Variants in HDAC9 observed in about 807,000 individuals in gnomAD.
The protein encoded by HDAC9 is MEF-2 interacting transcription repressor (MITR) protein.
HDAC9 carries 41 observed loss-of-function variants against 139.4 expected under a neutral mutation model. The ratio of observed to expected loss-of-function variants is 0.29; its 90% CI spans 0.23 to 0.38. The LOEUF is 0.38. Ranked by LOEUF, HDAC9 falls within the 10% of genes least tolerant of loss-of-function variation. The pLI, the probability that HDAC9 is intolerant of heterozygous loss-of-function variation, is 1.00. For synonymous variants in HDAC9, 517 were observed against 476.2 expected, an observed-to-expected ratio of 1.09 and a Z score of -1.12; for missense variants, 1,147 against 1,297.0, an observed-to-expected ratio of 0.88 and a Z score of 1.78.
At chr7:18,944,664 A>G (rs1025962179) in intron 23 of HDAC9, among the ~76,000 whole-genome samples, 2 of 152,136 alleles carry the variant, frequency 1.3e-5, no homozygotes, top group African/African-American at 4.8e-5. Context: ...AGATAGAGTA[A>G]TGTCAGCTCT....
chr7:18,499,297 T>G (rs1210725995), intron 2 of HDAC9, among the ~76,000 whole-genome samples: 1 of 152,150 alleles, frequency 6.6e-6, no homozygotes, highest in Non-Finnish European at 1.5e-5. Context: ...ATATTGATGG[T>G]TTTTGTACAG....
chr7:18,648,630 C>G lies in HDAC9; in HGVS notation c.1414C>G (p.Gln472Glu). 6.2e-7 allele frequency: 1 copy of G among 1,613,380 alleles called. No homozygotes were observed. The highest frequency in any genetic ancestry group is 8.5e-7 in the Non-Finnish European group (1 of 1,179,662). ...LAQLVIQQQH[Q>E]QFLEKQKQYQ... ...TCAGCTGGTCATTCAACAGCAACACCAGCAATTCTTGGAGAAGCAGAAGCA... is the reference window on the plus strand; with the variant it reads ...TCAGCTGGTCATTCAACAGCAACACGAGCAATTCTTGGAGAAGCAGAAGCA... The change falls in exon 11 of 26, where the codon CAG becomes GAG. Residue 472 changes from glutamine to glutamate, a missense_variant. Around this residue, in one of 7 missense-constraint regions of HDAC9, gnomAD observed 256 missense variants for 219.2 expected, o/e 1.17. Transcript: ENST00000686413.
rs79373121 is a variant in HDAC9 at position 18,524,112 on chromosome 7, A to G, written c.22+27788A>G. On this transcript the variant is annotated intron_variant, in intron 2 of 25. Transcript: ENST00000686413. ...TGGGTTAGCTATTCTCAGGATAGGTACTCAAGTATGGAAGGTATATAGAGA... is the reference window on the plus strand; with the variant it reads ...TGGGTTAGCTATTCTCAGGATAGGTGCTCAAGTATGGAAGGTATATAGAGA... 6.4e-3 allele frequency among the ~76,000 whole-genome samples: 971 copies of G among 152,252 alleles called. 11 individuals are homozygous for G. Among genetic ancestry groups the G allele is most frequent in the African/African-American group, 0.022 (911 of 41,546 alleles).
chr7:18,970,674 T>G (rs1220345874), intron 24 of HDAC9, among the ~76,000 whole-genome samples: 1 of 152,170 alleles, frequency 6.6e-6, no homozygotes, highest in East Asian at 1.9e-4. Flanking sequence ...TCCATAGACC[T>G]CCTTGTAAGC....
At chr7:18,644,599 C>G in intron 8 of HDAC9, 72 bp from the exon 9 acceptor site, 1 of 1,349,396 alleles carries the variant, frequency 7.4e-7, no homozygotes, top group Admixed American at 2.2e-5. Context: ...GACCCATTTT[C>G]TGAAATGAGA....
chr7:18,948,927 C>T (rs1782592923), intron 23 of HDAC9: 1 of 336,404 alleles, frequency 3.0e-6, no homozygotes, highest in African/African-American at 2.2e-5. Flanking sequence ...TGCCAGAGAT[C>T]TTGAATAGCC....
chr7:18,286,977 C>A (rs1216762849), upstream of HDAC9, among the ~76,000 whole-genome samples: 1 of 152,118 alleles, frequency 6.6e-6, no homozygotes, highest in African/African-American at 2.4e-5. Context: ...ATATCTAGAA[C>A]ACAAGGTAAT....
chr7:18,322,396 A>T (rs1800096540), intron 1 of HDAC9, among the ~76,000 whole-genome samples: 2 of 152,208 alleles, frequency 1.3e-5, no homozygotes, highest in South Asian at 4.1e-4. Context: ...TTTGTGGATT[A>T]CCATATCAGA....
intron 2 of HDAC9, among the ~76,000 whole-genome samples, chr7:18,252,681 G>T (rs1794990502): frequency 1.3e-5 from 2 of 151,584 alleles, no homozygotes; most frequent in Admixed American, 1.3e-4. Context: ...GTGAAAGCTA[G>T]TAATAACTAG....
chr7:18,547,535 G>A (rs932186918), intron 2 of HDAC9, among the ~76,000 whole-genome samples: 6 of 151,946 alleles, frequency 3.9e-5, no homozygotes, highest in Non-Finnish European at 7.4e-5. Context: ...ATGCCCGGCC[G>A]ACTGTGGCAC....
intron 12 of HDAC9, among the ~76,000 whole-genome samples, chr7:18,689,868 C>A (rs1435610284): frequency 6.6e-6 from 1 of 151,882 alleles, no homozygotes; most frequent in Admixed American, 6.6e-5. Flanking sequence ...CCAAATTGTC[C>A]AAATTTTATT....
chr7:18,539,378 C>T (rs1004070101), intron 2 of HDAC9, among the ~76,000 whole-genome samples: 27 of 152,044 alleles, frequency 1.8e-4, no homozygotes, highest in Non-Finnish European at 1.5e-4. Flanking sequence ...TCATGAAAAA[C>T]AAGGAAAGAT....
chr7:18,658,643 A>G (rs923131524), intron 11 of HDAC9, among the ~76,000 whole-genome samples: 7 of 152,084 alleles, frequency 4.6e-5, no homozygotes, highest in Admixed American at 2.0e-4. Context: ...TTACTTCCCT[A>G]AAATACACAG....
intron 2 of HDAC9, among the ~76,000 whole-genome samples, chr7:18,197,668 T>C (rs1370858936): frequency 6.6e-6 from 1 of 152,164 alleles, no homozygotes; most frequent in Non-Finnish European, 1.5e-5. Context: ...AAAATATTGG[T>C]GGCAGAGCTC....
At chr7:18,387,897 TG>T (rs1321302457) in intron 1 of HDAC9, among the ~76,000 whole-genome samples, 5 of 152,052 alleles carry the variant, frequency 3.3e-5, no homozygotes, top group Non-Finnish European at 7.4e-5. Flanking sequence ...TAACATTTTT[TG>T]TGTGTCTTAA....
chr7:18,221,415 T>C (rs1792697463), intron 2 of HDAC9, among the ~76,000 whole-genome samples: 2 of 152,104 alleles, frequency 1.3e-5, no homozygotes, highest in Non-Finnish European at 2.9e-5. Flanking sequence ...TTCTTGGAGG[T>C]GTTTCCTATG....
intron 2 of HDAC9, among the ~76,000 whole-genome samples, chr7:18,583,706 A>T (rs900973020): frequency 6.6e-6 from 1 of 152,160 alleles, no homozygotes; most frequent in African/African-American, 2.4e-5. Context: ...GTGAGCTATG[A>T]TTGCACCACT....
In HDAC9 at chr7:18,908,801, C is replaced by A. The variant is rs1221849557; in HGVS notation, c.2804-27008C>A. 2.0e-5 allele frequency among the ~76,000 whole-genome samples: 3 copies of A among 152,210 alleles called. No individual in the cohort carries two copies. The East Asian group carries it at 5.8e-4, about 29-fold the overall frequency. ...TTATACCACATTTTCTCTATCCATT[C>A]ATCCATTAATGGACACATAGGTTGA... On this transcript the variant is annotated intron_variant, in intron 22 of 25. Transcript: ENST00000686413.
At chr7:18,566,258 T>G (rs976228314) in intron 2 of HDAC9, among the ~76,000 whole-genome samples, 1 of 152,208 alleles carries the variant, frequency 6.6e-6, no homozygotes, top group South Asian at 2.1e-4. Flanking sequence ...CAACTGAATT[T>G]TATATATCAG....
Sources: gnomAD v4.1 joint callset for allele counts (sites outside exome capture counted in the v4.1 genomes callset) on GRCh38, gnomAD v4.1.1 for gene constraint, gnomAD v4.1.1 regional missense constraint, MANE v1.5 for transcripts, NCBI Gene and HGNC (gene_info 2026-07-23, HGNC 2026-07-21) for gene names.